BRD8: variants seen among roughly 807,000 people sequenced by gnomAD.
The protein encoded by BRD8 is bromodomain containing 8.
In BRD8, 67 loss-of-function variants were observed where a neutral mutation model predicts 143.1. That is an observed-to-expected ratio of 0.47 (90% confidence interval 0.38 to 0.57). The LOEUF is 0.57. Among genes scored for constraint, BRD8 ranks in the 20% least tolerant of loss-of-function variants. BRD8 has a pLI of 0.00. For missense variants in BRD8, 1,103 were observed against 1,503.0 expected (o/e 0.73, Z 4.40); for synonymous variants, 505 against 517.1 (o/e 0.98, Z 0.32).
intron 20 of BRD8, chr5:138,157,571 G>A (rs1017928794): frequency 2.5e-5 from 9 of 363,564 alleles, no homozygotes; most frequent in Non-Finnish European, 4.6e-5. Flanking sequence ...ATGTGCAAAG[G>A]AGCAGGAGAG....
rs960012713 is a variant in BRD8, at chr5:138,163,767, G to C, written c.1872+320C>G. 2.1e-5 allele frequency: 15 copies of C among 710,392 alleles called. No homozygotes were observed. In the African/African-American group the frequency reaches 2.6e-4, roughly 12 times the overall value. The allele number at this position is 710,392 out of a possible 1,614,324, so 44.0% of individuals were successfully genotyped here. Reference sequence around the variant, plus strand: ...TAATTCTAAAAAGAAAACTCTGGATGATTCTCTTTGGATAGTCTAATTAAT... The same window carrying C: ...TAATTCTAAAAAGAAAACTCTGGATCATTCTCTTTGGATAGTCTAATTAAT... On this transcript the variant is annotated intron_variant, in intron 14 of 26. Coordinates refer to ENST00000254900, the MANE Select transcript of BRD8 (RefSeq NM_139199.2).
Position 138,169,328 on chromosome 5 carries a change from C to T in BRD8, c.536G>A (p.Arg179Lys). Reference protein sequence around the residue: ...ARQAVKTPPRRLPTVMVRSPI... With the variant: ...ARQAVKTPPRKLPTVMVRSPI... The stretch of plus-strand genomic sequence containing the variant: ...AGAGCGAACCATCACAGTGGGTAAC[C>T]TCCGGGGGGGTGTTTTTACTGCTTG... The change falls in exon 8 of 27, where the codon AGG becomes AAG. Residue 179 changes from arginine to lysine, a missense_variant. This residue lies in a region of BRD8 where 334 missense variants were observed against 372.5 expected (regional missense o/e 0.90). Coordinates refer to ENST00000254900, the MANE Select transcript of BRD8 (RefSeq NM_139199.2). The T allele has an allele frequency of 1.2e-6, 2 of 1,614,096 alleles. No individual in the cohort carries two copies. The highest frequency in any genetic ancestry group is 1.1e-5 in the South Asian group (1 of 91,072).
rs1751870159 is a variant in BRD8, at chr5:138,140,725, C to T, written c.3595G>A (p.Glu1199Lys). ...AGTACCTGAATCTGCTCCAGGACTT[C>T]TTGCCGCATCTCCACAGCCATATGG... ...VYHMAVEMRQ[E>K]VLEQIQVLNI... The change falls in exon 26 of 27, where the codon GAA becomes AAA. Residue 1199 changes from glutamate (E) to lysine (K), a missense_variant. Coordinates refer to ENST00000254900, the MANE Select transcript of BRD8 (RefSeq NM_139199.2). 6.2e-7 allele frequency: 1 copy of T among 1,614,154 alleles called. No individual in the cohort carries two copies. Among genetic ancestry groups the T allele is most frequent in the South Asian group, 1.1e-5 (1 of 91,090 alleles).
rs1056206476 is a variant in BRD8 at position 138,177,758 on chromosome 5, C to T, written c.20-91G>A. The T allele has an allele frequency of 5.5e-6, 4 of 733,330 alleles. No homozygotes were observed. In the Admixed American group the frequency reaches 9.8e-5, roughly 18 times the overall value. 45.4% of individuals were successfully genotyped at this position (733,330 alleles called of 1,614,324 possible). A position where few individuals can be genotyped will look rare whatever the true frequency, so the allele number is the denominator to read the frequency against. On this transcript the variant is annotated intron_variant, in intron 1 of 26. Transcript: ENST00000254900. ...AAATCCCCAAAAAGAGGACTAAAAG[C>T]CTAATACAAAACATCCCAACTTGTT...
rs1561601867 is a variant in BRD8, at chr5:138,152,706, CAG to C, written c.2630_2631del (p.Ser877Ter). 6.2e-7 allele frequency: 1 copy of C among 1,614,226 alleles called. No individual in the cohort carries two copies. Among genetic ancestry groups the C allele is most frequent in the Non-Finnish European group, 8.5e-7 (1 of 1,180,044 alleles). The stretch of plus-strand genomic sequence containing the variant: ...AGGGACCTGCAGTCATTGCTCAACT[CAG>C]AGTCATTGGGATGATCTTGTTCAGA... Reference protein sequence around the residue: ...LDSEQDHPNDSELSNDCRSLF... With the variant: ...LDSEQDHPNDXELSNDCRSLF... On this transcript the variant is annotated frameshift_variant, in exon 21 of 27. Transcript: ENST00000254900. LOFTEE classifies it high-confidence loss of function.
chr5:138,178,582 G>A lies in BRD8; in HGVS notation c.19+14C>T, dbSNP rs1172321814. On this transcript the variant is annotated intron_variant, in intron 1 of 26. Transcript: ENST00000254900. ...TACAAAGGCCTTTCACGCAAAACCT[G>A]CTCAGATACTCACTGCCCGTTCCCG... The A allele has an allele frequency of 2.5e-6, 4 of 1,612,476 alleles. No individual in the cohort carries two copies. In the East Asian group the frequency reaches 8.9e-5, roughly 36 times the overall value.
At chr5:138,173,713 T>G (rs1299543497) in intron 2 of BRD8, among the ~76,000 whole-genome samples, 1 of 152,190 alleles carries the variant, frequency 6.6e-6, no homozygotes, top group Admixed American at 6.5e-5. Flanking sequence ...AAATCACAGA[T>G]GCACCATCAT....
At chr5:138,172,193 T>C in intron 2 of BRD8, 59 bp from the exon 3 acceptor site, 3 of 1,376,580 alleles carry the variant, frequency 2.2e-6, no homozygotes. Context: ...AGAGGTATGC[T>C]GAGAGTGCAA....
At chr5:138,174,620 C>T (rs1227410971) in intron 2 of BRD8, among the ~76,000 whole-genome samples, 1 of 151,470 alleles carries the variant, frequency 6.6e-6, no homozygotes, top group Non-Finnish European at 1.5e-5. Context: ...CAGTTTACTG[C>T]ACATCAATTA....
Position 138,165,741 on chromosome 5 carries a change from AAAAGC to A in BRD8, c.1278+82_1278+86del. ...ACTCTGTCTCCAAAAAAAAAAAAAA[AAAAGC>A]AGCAGCAGCACCAAAGTGAGGCTGA... is the stretch of plus-strand genomic sequence containing the variant. On this transcript the variant is annotated intron_variant, in intron 11 of 26. Transcript: ENST00000254900. 12 of 1,403,084 alleles carry A rather than the reference AAAAGC, an allele frequency of 8.6e-6. No homozygotes were observed. The African/African-American group carries it at 8.8e-5, about 10-fold the overall frequency. The allele number at this position is 1,403,084 out of a possible 1,614,324, so 86.9% of individuals were successfully genotyped here. A position where few individuals can be genotyped will look rare whatever the true frequency, so the allele number is the denominator to read the frequency against.
intron 23 of BRD8, among the ~76,000 whole-genome samples, chr5:138,148,854 CAGG>C (rs1176230578): frequency 1.3e-5 from 2 of 151,688 alleles, no homozygotes; most frequent in African/African-American, 2.4e-5. Flanking sequence ...CACTTGAAAC[CAGG>C]AGTTCAAGAC....
At chr5:138,167,356 A>C (rs764780477) in intron 9 of BRD8, among the ~76,000 whole-genome samples, 12 of 152,046 alleles carry the variant, frequency 7.9e-5, no homozygotes, top group African/African-American at 1.2e-4. Flanking sequence ...GGTATGAATA[A>C]ATCTGTCGCT....
chr5:138,144,622 G>T (rs1420547605), intron 25 of BRD8, among the ~76,000 whole-genome samples: 1 of 152,114 alleles, frequency 6.6e-6, no homozygotes, highest in Non-Finnish European at 1.5e-5. Context: ...TAATGATCAG[G>T]CTGGACACCA....
At chr5:138,170,295 T>C (rs1398203951) in intron 7 of BRD8, 50 bp downstream of exon 7, 1 of 1,198,176 alleles carries the variant, frequency 8.3e-7, no homozygotes, top group Non-Finnish European at 1.2e-6. Context: ...GTCATTAGCA[T>C]GCAGTACTGT....
rs1242430267 is a variant in BRD8, at chr5:138,165,087, T to G, written c.1358A>C (p.Gln453Pro). The G allele has an allele frequency of 6.2e-7, 1 of 1,614,162 alleles. No homozygotes were observed. Among genetic ancestry groups the G allele is most frequent in the South Asian group, 1.1e-5 (1 of 91,086 alleles). ...ATGCTCCCAGGGGCCAGGCAGGGAC[T>G]GAGGATCATCATTTTCTTCACAAAA... is the stretch of plus-strand genomic sequence containing the variant. ...LSFCEENDDP[Q>P]SLPGPWEHPI... The change falls in exon 12 of 27, where the codon CAG (glutamine) becomes CCG (proline). Residue 453 changes from glutamine to proline, a missense_variant. By Grantham distance (76) the Gln-to-Pro change is moderately conservative. Transcript: ENST00000254900.
chr5:138,149,837 T>C (rs770971232), intron 22 of BRD8, 40 bp from the exon 23 acceptor site: 17 of 1,562,826 alleles, frequency 1.1e-5, no homozygotes, highest in Non-Finnish European at 1.5e-5. Flanking sequence ...GAAGGAGATT[T>C]ACTTTCTGCA....
At chr5:138,178,280 C>G (rs1671161941) in intron 1 of BRD8, among the ~76,000 whole-genome samples, 1 of 152,198 alleles carries the variant, frequency 6.6e-6, no homozygotes, top group Non-Finnish European at 1.5e-5. Flanking sequence ...GCCGGTTACT[C>G]CGTCTGGCTC....
At position 138,172,048 on chromosome 5, in the gene BRD8, CT is replaced by C. The variant is rs1467944460; in HGVS notation, c.186+16del. ...ACCCAAAGACTGCTCTAAAAGAGCCCTTGCTTGGGAACTTACTTTTTGAGAG... is the reference window on the plus strand; with the variant it reads ...ACCCAAAGACTGCTCTAAAAGAGCCCTGCTTGGGAACTTACTTTTTGAGAG... On this transcript the variant is annotated intron_variant, in intron 3 of 26. Coordinates refer to ENST00000254900, the MANE Select transcript of BRD8 (RefSeq NM_139199.2). 6.2e-7 allele frequency: 1 copy of C among 1,611,266 alleles called. No homozygotes were observed.
intron 2 of BRD8, among the ~76,000 whole-genome samples, chr5:138,174,377 C>A (rs1754144863): frequency 6.6e-6 from 1 of 152,062 alleles, no homozygotes; most frequent in Non-Finnish European, 1.5e-5. Context: ...GGTGGATCAT[C>A]TGAGGTCAGG....
Sources: allele counts gnomAD v4.1 joint callset (sites outside exome capture counted in the v4.1 genomes callset), GRCh38; gene constraint gnomAD v4.1.1; regional missense constraint gnomAD v4.1.1; transcripts MANE v1.5; gene names NCBI Gene and HGNC (gene_info 2026-07-23, HGNC 2026-07-21).